The following FHIT variants were observed in gnomAD, a reference collection of about 807,000 sequenced individuals.
FHIT encodes fragile histidine triad diadenosine triphosphatase.
A neutral mutation model predicts 17.9 loss-of-function variants in FHIT; 19 were observed. The observed-to-expected ratio is 1.06, with a 90% CI of 0.74 to 1.56. The LOEUF (loss-of-function observed/expected upper bound fraction) is 1.56. FHIT is among the 40% of genes most tolerant of loss of function. The pLI, the probability that FHIT is intolerant of heterozygous loss-of-function variation, is 0.00. For missense variants in FHIT, 248 were observed against 189.2 expected, an observed-to-expected ratio of 1.31 and a Z score of -1.82; for synonymous variants, 81 against 69.7, an observed-to-expected ratio of 1.16 and a Z score of -0.81.
intron 5 of FHIT, among the ~76,000 whole-genome samples, chr3:60,450,373 A>G (rs1220817340): frequency 1.3e-5 from 2 of 151,996 alleles, no homozygotes; most frequent in South Asian, 2.1e-4. Flanking sequence ...ATATATATAT[A>G]TGTGTATATA....
intron 3 of FHIT, among the ~76,000 whole-genome samples, chr3:60,997,352 T>C (rs1427743948): frequency 6.6e-6 from 1 of 152,108 alleles, no homozygotes; most frequent in Non-Finnish European, 1.5e-5. Flanking sequence ...TGTCTGTCTG[T>C]CTCTTTCTTT....
chr3:59,870,096 C>G (rs1047348709), intron 8 of FHIT, among the ~76,000 whole-genome samples: 3 of 152,160 alleles, frequency 2.0e-5, no homozygotes, highest in Non-Finnish European at 2.9e-5. Context: ...CAAGGTCATA[C>G]AGCTGAGAAG....
intron 8 of FHIT, among the ~76,000 whole-genome samples, chr3:59,862,229 T>C (rs1274809323): frequency 1.3e-5 from 2 of 152,348 alleles, no homozygotes; most frequent in East Asian, 3.9e-4. Flanking sequence ...ACATCTTACA[T>C]GGTGGCAGGC....
At chr3:60,197,426 T>A (rs1702699872) in intron 5 of FHIT, among the ~76,000 whole-genome samples, 1 of 152,204 alleles carries the variant, frequency 6.6e-6, no homozygotes, top group African/African-American at 2.4e-5. Context: ...AACTCAAAAA[T>A]CTCATGTGCC....
chr3:60,619,616 A>C (rs531655185), intron 4 of FHIT, among the ~76,000 whole-genome samples: 1 of 150,176 alleles, frequency 6.7e-6, no homozygotes, highest in East Asian at 1.9e-4. Context: ...AAAAAAAAAA[A>C]AAAAAAAAAA....
chr3:59,894,542 C>G (rs1703985635), intron 8 of FHIT, among the ~76,000 whole-genome samples: 1 of 152,060 alleles, frequency 6.6e-6, no homozygotes, highest in East Asian at 1.9e-4. Flanking sequence ...AAGTGTAAAA[C>G]TTACAAGCAG....
intron 5 of FHIT, among the ~76,000 whole-genome samples, chr3:60,456,967 G>A (rs1015829416): frequency 9.9e-5 from 15 of 152,214 alleles, no homozygotes; most frequent in East Asian, 1.9e-4. Context: ...CATGCTCATG[G>A]GTAGGAAGAA....
intron 5 of FHIT, among the ~76,000 whole-genome samples, chr3:60,318,085 C>A (rs1447396806): frequency 1.3e-5 from 2 of 152,140 alleles, no homozygotes; most frequent in Non-Finnish European, 2.9e-5. Flanking sequence ...AGCCACCATG[C>A]CCCGCCCCAT....
intron 4 of FHIT, chr3:60,690,470 C>T: frequency 1.7e-6 from 1 of 572,182 alleles, no homozygotes. Flanking sequence ...TTCTCGTCAT[C>T]AAATTTCTCC....
intron 5 of FHIT, among the ~76,000 whole-genome samples, chr3:60,294,677 AT>A (rs1421841688): frequency 2.6e-4 from 40 of 152,182 alleles, no homozygotes; most frequent in African/African-American, 9.2e-4. Flanking sequence ...GGCCACATTA[AT>A]TTGCTCCCGC....
At chr3:60,261,151 T>C (rs959272283) in intron 5 of FHIT, among the ~76,000 whole-genome samples, 2 of 152,204 alleles carry the variant, frequency 1.3e-5, no homozygotes, top group Non-Finnish European at 2.9e-5. Flanking sequence ...AAAAGTATTT[T>C]GGAATAAAAA....
chr3:60,001,775 C>G (rs1699737921), intron 7 of FHIT, among the ~76,000 whole-genome samples: 1 of 152,112 alleles, frequency 6.6e-6, no homozygotes, highest in Non-Finnish European at 1.5e-5. Context: ...GATAGTGGAG[C>G]AGAGCTTGGA....
chr3:59,990,041 G>C (rs753640723), intron 7 of FHIT, among the ~76,000 whole-genome samples: 27 of 152,020 alleles, frequency 1.8e-4, no homozygotes, highest in South Asian at 6.2e-4. Flanking sequence ...AGTAATAGGA[G>C]ACCTCATACT....
intron 2 of FHIT, among the ~76,000 whole-genome samples, chr3:61,139,030 CTTTTTT>C (rs368329092): frequency 7.3e-6 from 1 of 137,298 alleles, no homozygotes; most frequent in African/African-American, 2.7e-5. Flanking sequence ...CTATATCAAA[CTTTTTT>C]TTTTTTTTTT....
chr3:60,080,971 C>A (rs1302528620), intron 5 of FHIT: 1 of 152,094 alleles, frequency 6.6e-6, no homozygotes, highest in East Asian at 1.9e-4. Context: ...CAACCATGTA[C>A]CTCTAGACAT....
At chr3:60,225,566 G>C (rs1236167747) in intron 5 of FHIT, among the ~76,000 whole-genome samples, 1 of 152,200 alleles carries the variant, frequency 6.6e-6, no homozygotes, top group Non-Finnish European at 1.5e-5. Flanking sequence ...AAGACAGTCT[G>C]CACGCAGAAT....
chr3:60,024,918 C>T (rs1217759267), intron 5 of FHIT, among the ~76,000 whole-genome samples: 3 of 152,208 alleles, frequency 2.0e-5, no homozygotes, highest in African/African-American at 7.2e-5. Context: ...CTGAAGGCCA[C>T]TGGGAATATC....
chr3:61,101,097 C>T (rs2035806448), intron 2 of FHIT, among the ~76,000 whole-genome samples: 1 of 152,176 alleles, frequency 6.6e-6, no homozygotes. Context: ...GCTTTTGTTG[C>T]CATTGCTTTT....
At chr3:61,079,855 C>A (rs2035082045) in intron 2 of FHIT, among the ~76,000 whole-genome samples, 1 of 152,190 alleles carries the variant, frequency 6.6e-6, no homozygotes, top group Non-Finnish European at 1.5e-5. Context: ...CTTATATATT[C>A]TCCCTACAAA....
Sources: gnomAD v4.1 joint callset for allele counts (sites outside exome capture counted in the v4.1 genomes callset) on GRCh38, gnomAD v4.1.1 for gene constraint, MANE v1.5 for transcripts, NCBI Gene and HGNC (gene_info 2026-07-23, HGNC 2026-07-21) for gene names.